The following RGS6 variants were observed in gnomAD, a reference collection of about 807,000 sequenced individuals.
The protein encoded by RGS6 is regulator of G protein signaling 6.
RGS6 carries 30 observed loss-of-function variants against 78.5 expected under a neutral mutation model. That is an observed-to-expected ratio of 0.38 (90% CI 0.29 to 0.52). The LOEUF (loss-of-function observed/expected upper bound fraction) is 0.52. RGS6 is among the 20% of genes least tolerant of loss of function. The pLI is 0.85. For missense variants in RGS6, 495 were observed against 609.7 expected (o/e 0.81, Z 1.98); for synonymous variants, 206 against 206.0 (o/e 1.00, Z 0.00).
At chr14:72,205,274 C>A (rs529950704) in intron 2 of RGS6, among the ~76,000 whole-genome samples, 1 of 152,244 alleles carries the variant, frequency 6.6e-6, no homozygotes, top group South Asian at 2.1e-4. Flanking sequence ...ATGGTTTATT[C>A]TCTTTCTTCC....
intron 2 of RGS6, among the ~76,000 whole-genome samples, chr14:72,317,736 T>A (rs1289203327): frequency 1.3e-5 from 2 of 152,202 alleles, no homozygotes; most frequent in Non-Finnish European, 2.9e-5. Context: ...TTTTAAGATG[T>A]CATCAGAAAA....
chr14:72,268,130 A>G (rs182222745), intron 2 of RGS6, among the ~76,000 whole-genome samples: 3 of 152,318 alleles, frequency 2.0e-5, no homozygotes, highest in Admixed American at 2.0e-4. Flanking sequence ...TGACTTGTCT[A>G]GACGATTATT....
the RGS6 span, among the ~76,000 whole-genome samples, chr14:71,903,570 G>C: frequency 6.6e-6 from 1 of 152,216 alleles, no homozygotes; most frequent in South Asian, 2.1e-4. Context: ...GGGTTAGTCA[G>C]ACAGTCATAC....
chr14:72,441,536 G>A (rs983277468), intron 3 of RGS6, among the ~76,000 whole-genome samples: 4 of 152,218 alleles, frequency 2.6e-5, no homozygotes, highest in South Asian at 2.1e-4. Context: ...TCTTGCAGCC[G>A]ACCAGGCACT....
Position 72,556,882 on chromosome 14 carries a change from A to ATTGT in RGS6, c.1423-5532_1423-5529dup, listed in dbSNP as rs2097585735. Among the ~76,000 whole-genome samples the ATTGT allele has an allele frequency of 3.3e-5, 5 of 152,230 alleles. No individual in the cohort carries two copies. The South Asian group carries it at 1.0e-3, about 32-fold the overall frequency. On this transcript the variant is annotated intron_variant, in intron 17 of 17. Transcript: ENST00000553525. ...TTGACTTTTTTAAAAAAATTGGGGT[A>ATTGT]TTGTTTTATGTTTGTGATATAGCTT...
intron 2 of RGS6, among the ~76,000 whole-genome samples, chr14:72,137,302 A>G (rs2096459813): frequency 6.6e-6 from 1 of 152,196 alleles, no homozygotes; most frequent in Non-Finnish European, 1.5e-5. Context: ...ACCCTATTGT[A>G]AGAGACAGGA....
At chr14:72,099,615 C>G (rs2095485884) in intron 2 of RGS6, among the ~76,000 whole-genome samples, 1 of 152,308 alleles carries the variant, frequency 6.6e-6, no homozygotes, top group East Asian at 1.9e-4. Context: ...TCAATGAGCT[C>G]TCAGATAGAA....
intron 3 of RGS6, among the ~76,000 whole-genome samples, chr14:72,438,917 G>A (rs886216502): frequency 4.6e-5 from 7 of 152,214 alleles, no homozygotes; most frequent in Non-Finnish European, 8.8e-5. Context: ...ACCTCCAGGC[G>A]TACGAGCCTG....
chr14:72,292,860 G>A (rs924973478), intron 2 of RGS6, among the ~76,000 whole-genome samples: 2 of 152,194 alleles, frequency 1.3e-5, no homozygotes. Flanking sequence ...GTCCTGGCAT[G>A]GATGACACAG....
chr14:72,439,869 C>A lies in RGS6; in HGVS notation c.185-14659C>A, dbSNP rs572816272. Among the ~76,000 whole-genome samples, 4 of 152,320 alleles carry A rather than the reference C, an allele frequency of 2.6e-5. No individual in the cohort carries two copies. The South Asian group carries it at 6.2e-4, about 24-fold the overall frequency. ...GTGGCTTCTGTCTGTCCACCTTCTCCTAGAAAGACCACATCCTGTGGGTTC... is the reference window on the plus strand; with the variant it reads ...GTGGCTTCTGTCTGTCCACCTTCTCATAGAAAGACCACATCCTGTGGGTTC... On this transcript the variant is annotated intron_variant, in intron 3 of 17. Transcript: ENST00000553525.
At chr14:72,005,680 T>C (rs1199886312) in intron 2 of RGS6, among the ~76,000 whole-genome samples, 3 of 152,194 alleles carry the variant, frequency 2.0e-5, no homozygotes, top group Non-Finnish European at 4.4e-5. Flanking sequence ...ACCTATTTTA[T>C]ATCCATTCTT....
At chr14:71,886,406 T>G in the RGS6 span, among the ~76,000 whole-genome samples, 6 of 152,198 alleles carry the variant, frequency 3.9e-5, no homozygotes, top group Non-Finnish European at 8.8e-5. Context: ...TCAATTAATA[T>G]TGACTGACTG....
rs139051448 is a variant in RGS6 at position 72,196,739 on chromosome 14, G to A, written c.85-155356G>A. ...CATCTGTCAAGTGCACATCAAAGTT[G>A]AATTTTCCACTTTGGAATTATGATT... On this transcript the variant is annotated intron_variant, in intron 2 of 17. Transcript: ENST00000553525. Among the ~76,000 whole-genome samples the A allele has an allele frequency of 8.2e-3, 1,242 of 152,314 alleles. 10 individuals carry two copies. The highest frequency in any genetic ancestry group is 0.012 in the Non-Finnish European group (817 of 68,026).
chr14:72,063,922 T>A lies in RGS6; in HGVS notation c.84+99047T>A, dbSNP rs141591507. Among the ~76,000 whole-genome samples the A allele has an allele frequency of 2.1e-4, 32 of 152,212 alleles. No individual in the cohort carries two copies. The East Asian group carries it at 4.8e-3, about 23-fold the overall frequency. On this transcript the variant is annotated intron_variant, in intron 2 of 17. Coordinates refer to ENST00000553525, the MANE Select transcript of RGS6 (RefSeq NM_001204424.2). ...GTGTAAGTTGGCCAAGAAAGTGTAA[T>A]AAGATTGCTGAGCAGAACTGAAAGC...
chr14:72,265,449 G>T (rs1472517028), intron 2 of RGS6, among the ~76,000 whole-genome samples: 4 of 152,158 alleles, frequency 2.6e-5, no homozygotes, highest in Non-Finnish European at 5.9e-5. Flanking sequence ...GGGTGGAGAA[G>T]ACCTCTTGGG....
chr14:71,984,127 T>A (rs2094579639), intron 2 of RGS6, among the ~76,000 whole-genome samples: 1 of 152,068 alleles, frequency 6.6e-6, no homozygotes, highest in Non-Finnish European at 1.5e-5. Flanking sequence ...TATTGAGCCA[T>A]TTAATCATCA....
intron 2 of RGS6, among the ~76,000 whole-genome samples, chr14:72,309,229 G>A (rs1402850200): frequency 1.3e-5 from 2 of 152,328 alleles, no homozygotes; most frequent in African/African-American, 4.8e-5. Flanking sequence ...TCAGAGGTCA[G>A]AGCGAGGCTG....
chr14:71,876,458 G>C, the RGS6 span, among the ~76,000 whole-genome samples: 1 of 133,318 alleles, frequency 7.5e-6, no homozygotes, highest in Admixed American at 8.0e-5. Context: ...TCAGAGACTA[G>C]GTTTGCAACC....
chr14:71,893,710 G>T, the RGS6 span, among the ~76,000 whole-genome samples: 4 of 152,052 alleles, frequency 2.6e-5, no homozygotes, highest in Non-Finnish European at 4.4e-5. Context: ...CATGTGCATT[G>T]GATAAATACA....
Sources: allele counts gnomAD v4.1 joint callset (sites outside exome capture counted in the v4.1 genomes callset), GRCh38; gene constraint gnomAD v4.1.1; transcripts MANE v1.5; gene names NCBI Gene and HGNC (gene_info 2026-07-23, HGNC 2026-07-21).